KLF13: variants seen among roughly 807,000 people sequenced by gnomAD.
The protein encoded by KLF13 is KLF transcription factor 13.
KLF13 carries 8 observed loss-of-function variants against 16.7 expected under a neutral mutation model. That is an observed-to-expected ratio of 0.48 (90% CI 0.28 to 0.87). The LOEUF is 0.87. Ranked by LOEUF, KLF13 falls within the 40% of genes least tolerant of loss-of-function variation. KLF13 has a pLI of 0.10. For missense variants in KLF13, 447 were observed against 452.2 expected (o/e 0.99, Z 0.10); for synonymous variants, 245 against 208.4 (o/e 1.18, Z -1.51).
chr15:31,354,908 ATTTTC>A (rs936309641), intron 1 of KLF13, among the ~76,000 whole-genome samples: 17 of 152,134 alleles, frequency 1.1e-4, no homozygotes, highest in African/African-American at 3.9e-4. Context: ...GATACGTCTA[ATTTTC>A]ATACTGGGCT....
rs755373785 is a variant in KLF13, at chr15:31,372,322, C to T, written c.*23C>T. The T allele has an allele frequency of 8.3e-6, 12 of 1,443,374 alleles. No homozygotes were observed. Among genetic ancestry groups the T allele is most frequent in the South Asian group, 2.9e-5 (2 of 69,300 alleles). 89.4% of individuals were successfully genotyped at this position (1,443,374 alleles called of 1,614,324 possible). Reference sequence around the variant, plus strand: ...TGAGCCCGCCACAGCCATGAGCAGCCGCTCCCACCCCCTCGTGAGTCCCTG... The same window carrying T: ...TGAGCCCGCCACAGCCATGAGCAGCTGCTCCCACCCCCTCGTGAGTCCCTG... On this transcript the variant is annotated 3_prime_UTR_variant, in exon 2 of 2. Coordinates refer to ENST00000307145, the MANE Select transcript of KLF13 (RefSeq NM_015995.4).
At chr15:31,381,155 G>C, downstream of KLF13, among the ~76,000 whole-genome samples, 1 of 139,504 alleles carries the variant, frequency 7.2e-6, no homozygotes, top group African/African-American at 2.7e-5. Flanking sequence ...CTGGGCGACA[G>C]TGCAAGACTC....
At chr15:31,342,535 G>T (rs1003785281) in intron 1 of KLF13, among the ~76,000 whole-genome samples, 1 of 152,180 alleles carries the variant, frequency 6.6e-6, no homozygotes, top group Non-Finnish European at 1.5e-5. Context: ...CGAGCTCATC[G>T]CTGCGGTCGG....
chr15:31,366,129 A>G (rs1404779434), intron 1 of KLF13: 3 of 123,256 alleles, frequency 2.4e-5, no homozygotes, highest in African/African-American at 9.5e-5. Flanking sequence ...CCGCAACTGC[A>G]TGCGGTCCCC....
chr15:31,384,270 C>G (rs921750508), intron 1 of KLF13, among the ~76,000 whole-genome samples: 1 of 152,064 alleles, frequency 6.6e-6, no homozygotes, highest in Non-Finnish European at 1.5e-5. Context: ...GAAACCTCGT[C>G]TCTACTAAAA....
chr15:31,393,501 C>A (rs1485812344), intron 1 of KLF13: 1 of 152,052 alleles, frequency 6.6e-6, no homozygotes, highest in Non-Finnish European at 1.5e-5. Context: ...TGCCGGCCAT[C>A]CAGCCCCATC....
At chr15:31,400,658 C>G (rs376483255) in intron 2 of KLF13, among the ~76,000 whole-genome samples, 1 of 151,700 alleles carries the variant, frequency 6.6e-6, no homozygotes, top group Non-Finnish European at 1.5e-5. Context: ...GTGGCAGGCC[C>G]CAACTTGGGT....
Position 31,372,302 on chromosome 15 carries a change from C to G in KLF13, c.*3C>G. On this transcript the variant is annotated 3_prime_UTR_variant, in exon 2 of 2. Transcript: ENST00000307145. ...TCAGCCCGGCCAGCTCGCCCTGAGC[C>G]CGCCACAGCCATGAGCAGCCGCTCC... 6.8e-7 allele frequency: 1 copy of G among 1,468,552 alleles called. No homozygotes were observed. Among genetic ancestry groups the G allele is most frequent in the East Asian group, 2.5e-5 (1 of 40,554 alleles). The allele number at this position is 1,468,552 out of a possible 1,614,324, so 91.0% of individuals were successfully genotyped here.
rs1413194813 is a variant in KLF13, at chr15:31,377,681, G to A, written c.*5382G>A. Reference sequence around the variant, plus strand: ...CGAAGGCCACGTTTCATCTTTCCTGGATCACTACAGTGAAGTATTACAGTT... The same window carrying A: ...CGAAGGCCACGTTTCATCTTTCCTGAATCACTACAGTGAAGTATTACAGTT... On this transcript the variant is annotated 3_prime_UTR_variant, in exon 2 of 2. Transcript: ENST00000307145. 6.6e-6 allele frequency: 1 copy of A among 152,494 alleles called. No homozygotes were observed. The highest frequency in any genetic ancestry group is 1.5e-5 in the Non-Finnish European group (1 of 68,020). 9.4% of individuals were successfully genotyped at this position (152,494 alleles called of 1,614,324 possible). A position where few individuals can be genotyped will look rare whatever the true frequency, so the allele number is the denominator to read the frequency against.
intron 1 of KLF13, among the ~76,000 whole-genome samples, chr15:31,343,398 T>A (rs984513489): frequency 6.6e-5 from 10 of 152,180 alleles, no homozygotes; most frequent in Non-Finnish European, 1.5e-4. Flanking sequence ...CCAAACAGCA[T>A]CCTGCAGTCT....
intron 1 of KLF13, among the ~76,000 whole-genome samples, chr15:31,356,467 G>A (rs1055596892): frequency 3.9e-5 from 6 of 152,306 alleles, no homozygotes; most frequent in African/African-American, 1.2e-4. Flanking sequence ...CAGGAGACTC[G>A]CTTGAACCCG....
intron 1 of KLF13, among the ~76,000 whole-genome samples, chr15:31,344,754 C>T (rs1466889593): frequency 6.6e-6 from 1 of 151,916 alleles, no homozygotes; most frequent in African/African-American, 2.4e-5. Context: ...ACAAAATCTC[C>T]TGGAATCCAG....
downstream of KLF13, among the ~76,000 whole-genome samples, chr15:31,405,394 A>T (rs892993945): frequency 2.0e-5 from 3 of 152,234 alleles, no homozygotes; most frequent in African/African-American, 7.2e-5. Context: ...CAGCAAGAAG[A>T]CTGCGGTCTA....
chr15:31,363,903 A>G (rs2039424487), intron 1 of KLF13, among the ~76,000 whole-genome samples: 2 of 152,240 alleles, frequency 1.3e-5, no homozygotes, highest in Admixed American at 6.5e-5. Context: ...TGACCCATTT[A>G]GAATTTATCC....
chr15:31,375,743 T>C lies in KLF13; in HGVS notation c.*3444T>C, dbSNP rs535656603. The C allele has an allele frequency of 1.3e-5, 2 of 152,250 alleles. No homozygotes were observed. Among genetic ancestry groups the C allele is most frequent in the East Asian group, 3.9e-4 (2 of 5,172 alleles). 9.4% of individuals were successfully genotyped at this position (152,250 alleles called of 1,614,324 possible). A position where few individuals can be genotyped will look rare whatever the true frequency, so the allele number is the denominator to read the frequency against. ...CAGGAAAACAGACGGACACAGCCCTTTCCTTAAAGAGCCCTGGGGTCCTGT... is the reference window on the plus strand; with the variant it reads ...CAGGAAAACAGACGGACACAGCCCTCTCCTTAAAGAGCCCTGGGGTCCTGT... On this transcript the variant is annotated 3_prime_UTR_variant, in exon 2 of 2. Coordinates refer to ENST00000307145, the MANE Select transcript of KLF13 (RefSeq NM_015995.4).
Position 31,387,637 on chromosome 15 carries a change from G to A in KLF13, n.224-47733G>A, listed in dbSNP as rs143030536. On this transcript the variant is annotated intron_variant and non_coding_transcript_variant, in intron 1 of 1. Coordinates refer to the KLF13 transcript ENST00000558921. ...GTACGAGAACTGGGTGGTGGGAAAA[G>A]TGGGGCTTGTTTTTCCTTTCTTTGT... Among the ~76,000 whole-genome samples, 349 of 152,322 alleles carry A rather than the reference G, an allele frequency of 2.3e-3. 3 individuals carry two copies. Among genetic ancestry groups the A allele is most frequent in the African/African-American group, 7.8e-3 (323 of 41,568 alleles).
At chr15:31,384,779 T>G (rs143696781) in intron 1 of KLF13, among the ~76,000 whole-genome samples, 1 of 152,100 alleles carries the variant, frequency 6.6e-6, no homozygotes, top group Non-Finnish European at 1.5e-5. Context: ...TAGAGCTGAG[T>G]GTGTCATCCC....
At chr15:31,333,036 A>C (rs908092755) in intron 1 of KLF13, among the ~76,000 whole-genome samples, 1 of 152,228 alleles carries the variant, frequency 6.6e-6, no homozygotes, top group Non-Finnish European at 1.5e-5. Flanking sequence ...GGAAGCAATT[A>C]AAATAGTTTT....
At chr15:31,419,111 C>A (rs1362094459) in intron 1 of KLF13, among the ~76,000 whole-genome samples, 1 of 152,132 alleles carries the variant, frequency 6.6e-6, no homozygotes, top group Non-Finnish European at 1.5e-5. Flanking sequence ...TTTCATGGTG[C>A]ATCCCCCCAG....
Sources: allele counts gnomAD v4.1 joint callset (sites outside exome capture counted in the v4.1 genomes callset), GRCh38; gene constraint gnomAD v4.1.1; transcripts MANE v1.5; gene names NCBI Gene and HGNC (gene_info 2026-07-23, HGNC 2026-07-21).